TNFSF10: variants seen among roughly 807,000 people sequenced by gnomAD.
TNFSF10 encodes the protein TNF superfamily member 10, also known as tumor necrosis factor ligand superfamily member 10.
A neutral mutation model predicts 29.5 loss-of-function variants in TNFSF10; 13 were observed. The ratio of observed to expected loss-of-function variants is 0.44; its 90% CI spans 0.29 to 0.70. The LOEUF (loss-of-function observed/expected upper bound fraction) is 0.70, where lower values mean the gene tolerates loss of function less well. TNFSF10 is among the 30% of genes least tolerant of loss of function. The pLI is 0.13. For synonymous variants in TNFSF10, 111 were observed against 112.8 expected, an observed-to-expected ratio of 0.98 and a Z score of 0.10; for missense variants, 345 against 330.9, an observed-to-expected ratio of 1.04 and a Z score of -0.33.
intron 1 of TNFSF10, among the ~76,000 whole-genome samples, chr3:172,515,899 C>T (rs1422060244): frequency 2.0e-5 from 3 of 152,066 alleles, no homozygotes; most frequent in Non-Finnish European, 2.9e-5. Context: ...GTTTGCTTTG[C>T]TCATTTCTTC....
At chr3:172,522,862 C>G (rs1047168263) in intron 1 of TNFSF10, among the ~76,000 whole-genome samples, 1 of 152,064 alleles carries the variant, frequency 6.6e-6, no homozygotes, top group African/African-American at 2.4e-5. Context: ...TAAAAATTAT[C>G]TTTTTCAATT....
At chr3:172,510,827 A>G (rs1474288697) in intron 3 of TNFSF10, among the ~76,000 whole-genome samples, 2 of 152,140 alleles carry the variant, frequency 1.3e-5, no homozygotes, top group African/African-American at 4.8e-5. Flanking sequence ...ATATTTAATA[A>G]AGGAAAATGG....
In TNFSF10 at chr3:172,506,250, G is replaced by C; in HGVS notation, c.*242C>G. ...GATTTCTGCTAGCAAACTGATATGA[G>C]GTAGAGTCCTGAAAGATCTTTCAGC... On this transcript the variant is annotated 3_prime_UTR_variant, in exon 5 of 5. Coordinates refer to ENST00000241261, the MANE Select transcript of TNFSF10 (RefSeq NM_003810.4). The C allele has an allele frequency of 2.2e-6, 1 of 453,020 alleles. No homozygotes were observed. The allele number at this position is 453,020 out of a possible 1,614,324, so 28.1% of individuals were successfully genotyped here.
At chr3:172,507,238 T>G (rs534880034) in intron 4 of TNFSF10, 32 of 281,568 alleles carry the variant, frequency 1.1e-4, no homozygotes, top group African/African-American at 6.8e-4. Context: ...AGCAATGGTT[T>G]CTCCTGGGCA....
At chr3:172,521,799 G>T (rs1280050431) in intron 1 of TNFSF10, among the ~76,000 whole-genome samples, 1 of 152,186 alleles carries the variant, frequency 6.6e-6, no homozygotes, top group African/African-American at 2.4e-5. Flanking sequence ...CAACCCAAAT[G>T]CTCATCAGTG....
At chr3:172,522,491 T>A in intron 1 of TNFSF10, 1 of 1,082,376 alleles carries the variant, frequency 9.2e-7, no homozygotes, top group South Asian at 1.3e-5. Context: ...GTGCACCTTT[T>A]AAAACCTGCT....
intron 1 of TNFSF10, chr3:172,517,769 T>C (rs1713495671): frequency 1.0e-6 from 1 of 983,484 alleles, no homozygotes. Flanking sequence ...ACATTCCCTG[T>C]AGAAAATTTG....
intron 1 of TNFSF10, among the ~76,000 whole-genome samples, chr3:172,519,708 C>A (rs530738329): frequency 6.6e-6 from 1 of 152,348 alleles, no homozygotes; most frequent in South Asian, 2.1e-4. Context: ...TCTGCCTCAT[C>A]CATTTCCAAA....
intron 4 of TNFSF10, among the ~76,000 whole-genome samples, chr3:172,507,803 TC>T (rs1315450825): frequency 1.3e-5 from 2 of 152,202 alleles, no homozygotes; most frequent in African/African-American, 4.8e-5. Flanking sequence ...AAACTTTTTA[TC>T]TATTAACTGA....
intron 4 of TNFSF10, among the ~76,000 whole-genome samples, chr3:172,508,358 CAT>C (rs1713081005): frequency 6.6e-6 from 1 of 152,024 alleles, no homozygotes; most frequent in Non-Finnish European, 1.5e-5. Flanking sequence ...CATATCGACA[CAT>C]GTTCTGCCTA....
At chr3:172,520,862 C>G (rs6805054) in intron 1 of TNFSF10, among the ~76,000 whole-genome samples, 21,274 of 152,156 alleles carry the variant, frequency 0.14, 1,975 homozygotes, top group Non-Finnish European at 0.21. Context: ...GATACATAGA[C>G]CAATGGAACA....
rs1713732265 is a variant in TNFSF10 at position 172,522,267 on chromosome 3, C to G, written c.132+986G>C. On this transcript the variant is annotated intron_variant, in intron 1 of 4. Transcript: ENST00000241261. ...AGAATTCACAAAGAGCAATAGACCT[C>G]ATGTGAGTTATGAATCTGAACTTCA... 6.0e-6 allele frequency: 4 copies of G among 671,790 alleles called. No homozygotes were observed. The African/African-American group carries it at 7.1e-5, about 12-fold the overall frequency. 41.6% of individuals were successfully genotyped at this position (671,790 alleles called of 1,614,324 possible).
intron 3 of TNFSF10, among the ~76,000 whole-genome samples, chr3:172,510,186 C>T (rs1165927613): frequency 6.6e-6 from 1 of 152,144 alleles, no homozygotes; most frequent in African/African-American, 2.4e-5. Flanking sequence ...CAGCCTTCTA[C>T]AGAAAATATG....
At chr3:172,516,196 G>A (rs1375925827) in intron 1 of TNFSF10, among the ~76,000 whole-genome samples, 8 of 151,650 alleles carry the variant, frequency 5.3e-5, no homozygotes, top group Admixed American at 3.3e-4. Context: ...CCCGGGAGGC[G>A]GAGCTTGCAG....
intron 1 of TNFSF10, among the ~76,000 whole-genome samples, chr3:172,516,532 G>A (rs1337477097): frequency 6.6e-6 from 1 of 152,208 alleles, no homozygotes; most frequent in East Asian, 1.9e-4. Context: ...ATGCAAAGGT[G>A]CAAACTTGAG....
intron 2 of TNFSF10, 98 bp downstream of exon 2, chr3:172,514,762 GA>G: frequency 1.4e-6 from 2 of 1,434,188 alleles, no homozygotes; most frequent in Non-Finnish European, 1.9e-6. Context: ...TTTGTAAAAT[GA>G]AGAGTCTAGA....
In TNFSF10 at chr3:172,514,852, G is replaced by A. The variant is rs1054069071; in HGVS notation, c.270+9C>T. ...CCTGCTGGTGAGGTCACCTGGTGAG[G>A]TTACCTACCTTTCTAACGAGCTGAC... On this transcript the variant is annotated intron_variant, in intron 2 of 4. Coordinates refer to ENST00000241261, the MANE Select transcript of TNFSF10 (RefSeq NM_003810.4). The A allele has an allele frequency of 5.0e-6, 8 of 1,613,958 alleles. No homozygotes were observed. In the East Asian group the frequency reaches 8.9e-5, roughly 18 times the overall value.
At chr3:172,516,603 T>G (rs969178372) in intron 1 of TNFSF10, among the ~76,000 whole-genome samples, 6 of 152,192 alleles carry the variant, frequency 3.9e-5, no homozygotes, top group Admixed American at 3.9e-4. Context: ...AACAAATGTT[T>G]ATTTTGTTTC....
At chr3:172,522,641 C>T (rs762849074) in intron 1 of TNFSF10, among the ~76,000 whole-genome samples, 3 of 152,206 alleles carry the variant, frequency 2.0e-5, no homozygotes, top group African/African-American at 7.2e-5. Context: ...AGGAAGTTTA[C>T]AAGACATGTC....
Sources: gnomAD v4.1 joint callset for allele counts (sites outside exome capture counted in the v4.1 genomes callset) on GRCh38, gnomAD v4.1.1 for gene constraint, MANE v1.5 for transcripts, NCBI Gene and HGNC (gene_info 2026-07-23, HGNC 2026-07-21) for gene names.